ATP7A: variants seen among roughly 807,000 people sequenced by gnomAD.
The protein encoded by ATP7A is copper-transporting ATPase 1.
ATP7A carries 7 observed loss-of-function variants against 83.5 expected under a neutral mutation model. That is an observed-to-expected ratio of 0.08 (90% CI 0.05 to 0.16). The LOEUF (loss-of-function observed/expected upper bound fraction) is 0.16, where lower values mean the gene tolerates loss of function less well. Ranked by LOEUF, ATP7A falls within the 10% of genes least tolerant of loss-of-function variation. ATP7A has a pLI of 1.00. For synonymous variants in ATP7A, 354 were observed against 395.2 expected, an observed-to-expected ratio of 0.90 and a Z score of 1.24; for missense variants, 940 against 1,120.8, an observed-to-expected ratio of 0.84 and a Z score of 2.30.
chrX:78,006,765 T>A (rs1488857269), intron 6 of ATP7A, among the ~76,000 whole-genome samples: 1 of 112,363 alleles, frequency 8.9e-6, no homozygotes, highest in Non-Finnish European at 1.9e-5. Flanking sequence ...TGGTCCTTTG[T>A]AACCGGCTTC....
At chrX:78,024,774 G>A (rs2149102232) in intron 14 of ATP7A, among the ~76,000 whole-genome samples, 1 of 111,347 alleles carries the variant, frequency 9.0e-6, no homozygotes, top group Admixed American at 9.5e-5. Context: ...AAGGTCAGGA[G>A]CCCTATAACA....
intron 1 of ATP7A, among the ~76,000 whole-genome samples, chrX:77,970,936 G>A (rs999497142): frequency 8.9e-6 from 1 of 111,929 alleles, no homozygotes; most frequent in South Asian, 3.7e-4. Context: ...GGGAATCAGA[G>A]TATGTTTGTG....
intron 1 of ATP7A, among the ~76,000 whole-genome samples, chrX:77,945,478 C>T (rs1347059878): frequency 8.9e-6 from 1 of 112,244 alleles, no homozygotes; most frequent in Non-Finnish European, 1.9e-5. Flanking sequence ...CTATGCCTGG[C>T]CTGGCAATTA....
chrX:77,965,604 A>C (rs1350923852), intron 1 of ATP7A, among the ~76,000 whole-genome samples: 2 of 111,740 alleles, frequency 1.8e-5, no homozygotes, highest in African/African-American at 6.5e-5. Context: ...GCAGATCCTC[A>C]AACAATTAAA....
At position 77,989,743 on chromosome X, in the gene ATP7A, C is replaced by G; in HGVS notation, c.1121C>G (p.Pro374Arg). The change falls in exon 4 of 23, where the codon CCT (proline) becomes CGT (arginine). Residue 374 changes from proline to arginine, a missense_variant. Transcript: ENST00000341514. ...QKIPLNVVSQ[P>R]LTQETVINID... Reference sequence around the variant, plus strand: ...ATTCCTTTGAATGTAGTTAGCCAGCCTCTGACACAAGAAACTGTGATAAAC... The same window carrying G: ...ATTCCTTTGAATGTAGTTAGCCAGCGTCTGACACAAGAAACTGTGATAAAC... 1 of 1,211,356 alleles carries G rather than the reference C, an allele frequency of 8.3e-7. No homozygotes were observed. The highest frequency in any genetic ancestry group is 1.1e-6 in the Non-Finnish European group (1 of 895,204).
intron 1 of ATP7A, among the ~76,000 whole-genome samples, chrX:77,921,465 A>T (rs184637143): frequency 1.6e-4 from 18 of 112,340 alleles, no homozygotes; most frequent in African/African-American, 5.5e-4. Flanking sequence ...GCTTACTGGG[A>T]TCGAATTTCA....
intron 4 of ATP7A, among the ~76,000 whole-genome samples, chrX:77,995,275 T>C (rs1024979876): frequency 1.8e-5 from 2 of 110,932 alleles, no homozygotes; most frequent in African/African-American, 3.3e-5. Context: ...TTAAAAGAGG[T>C]AGTGAGAAGC....
intron 4 of ATP7A, among the ~76,000 whole-genome samples, chrX:77,995,562 C>T (rs1199886673): frequency 1.8e-5 from 1 of 56,115 alleles, no homozygotes; most frequent in African/African-American, 8.5e-5. Context: ...AGCGAGACTC[C>T]ATCTCAAAAA....
chrX:77,951,242 C>T (rs1273276020), intron 1 of ATP7A, among the ~76,000 whole-genome samples: 3 of 111,610 alleles, frequency 2.7e-5, no homozygotes, highest in East Asian at 5.6e-4. Flanking sequence ...TTTTCCTTTA[C>T]AGTTTCTGTT....
At position 78,038,955 on chromosome X, in the gene ATP7A, C is replaced by A; in HGVS notation, c.3631C>A (p.Arg1211=). The A allele has an allele frequency of 8.3e-7, 1 of 1,210,832 alleles. No homozygotes were observed. Among genetic ancestry groups the A allele is most frequent in the South Asian group, 1.8e-5 (1 of 56,956 alleles). ...DFMTEHERKG[R]TAVLVAVDDE... Reference sequence around the variant, plus strand: ...CATGACTGAACATGAGAGAAAAGGTCGGACTGCTGTATTAGTAGCAGTTGA... The same window carrying A: ...CATGACTGAACATGAGAGAAAAGGTAGGACTGCTGTATTAGTAGCAGTTGA... Residue 1211 remains arginine (R), a synonymous_variant, in exon 18 of 23, where the codon CGG becomes AGG. Transcript: ENST00000341514.
intron 1 of ATP7A, among the ~76,000 whole-genome samples, chrX:77,931,751 C>T (rs1422205007): frequency 2.2e-4 from 23 of 102,971 alleles, no homozygotes; most frequent in African/African-American, 5.0e-4. Context: ...CCGGACGGGG[C>T]GGCTGGCCGG....
At chrX:78,032,237 C>T (rs1369466680) in intron 16 of ATP7A, among the ~76,000 whole-genome samples, 1 of 111,110 alleles carries the variant, frequency 9.0e-6, no homozygotes, top group Non-Finnish European at 1.9e-5. Context: ...CTGTATTATA[C>T]TCTATAGTGT....
chrX:77,949,462 A>G (rs782103769), intron 1 of ATP7A, among the ~76,000 whole-genome samples: 2 of 112,206 alleles, frequency 1.8e-5, no homozygotes, highest in Non-Finnish European at 3.8e-5. Flanking sequence ...TTCCTAATGC[A>G]TTCAACTTTG....
intron 17 of ATP7A, 66 bp downstream of exon 17, chrX:78,033,887 C>T: frequency 9.6e-7 from 1 of 1,042,488 alleles, no homozygotes; most frequent in Non-Finnish European, 1.3e-6. Flanking sequence ...ACTTTATAAC[C>T]CTGAACTGTT....
At chrX:77,974,148 G>GTT (rs1327635291) in intron 2 of ATP7A, among the ~76,000 whole-genome samples, 192 of 99,875 alleles carry the variant, frequency 1.9e-3, no homozygotes, top group African/African-American at 6.5e-3. Context: ...AAGGTATATA[G>GTT]TTTTTTTTTT....
chrX:77,944,712 C>T (rs184663656), intron 1 of ATP7A, among the ~76,000 whole-genome samples: 1 of 110,750 alleles, frequency 9.0e-6, no homozygotes, highest in African/African-American at 3.3e-5. Flanking sequence ...CTCTTTTCTA[C>T]CCTGCTCTCT....
chrX:78,023,708 G>T (rs901701240), intron 14 of ATP7A, among the ~76,000 whole-genome samples: 8 of 111,428 alleles, frequency 7.2e-5, no homozygotes, highest in Non-Finnish European at 1.3e-4. Context: ...TCCTTTGTTG[G>T]ATGCATACTT....
chrX:77,936,906 AC>A (rs1222551145), intron 1 of ATP7A, among the ~76,000 whole-genome samples: 6 of 112,432 alleles, frequency 5.3e-5, no homozygotes, highest in Non-Finnish European at 1.1e-4. Context: ...AATAGCTGGG[AC>A]TACAAGTATG....
chrX:78,025,013 A>G (rs2077933781), intron 14 of ATP7A, among the ~76,000 whole-genome samples: 1 of 111,659 alleles, frequency 9.0e-6, no homozygotes, highest in African/African-American at 3.3e-5. Flanking sequence ...AGCCCTTAAG[A>G]TAAGTCCACA....
Sources: gnomAD v4.1 joint callset for allele counts (sites outside exome capture counted in the v4.1 genomes callset) on GRCh38, gnomAD v4.1.1 for gene constraint, MANE v1.5 for transcripts, NCBI Gene and HGNC (gene_info 2026-07-23, HGNC 2026-07-21) for gene names.